The following SEMA3A variants were observed in gnomAD, a reference collection of about 807,000 sequenced individuals.
SEMA3A encodes semaphorin 3A.
In SEMA3A, 29 loss-of-function variants were observed where a neutral mutation model predicts 97.9. The observed-to-expected ratio is 0.30, with a 90% CI of 0.22 to 0.40. SEMA3A has a LOEUF of 0.40. Ranked by LOEUF, SEMA3A falls within the 10% of genes least tolerant of loss-of-function variation. The probability of loss-of-function intolerance (pLI) is 1.00; values close to 1 mark genes in which losing one functional copy is unlikely to be tolerated. For missense variants in SEMA3A, 763 were observed against 951.3 expected, an observed-to-expected ratio of 0.80 and a Z score of 2.60; for synonymous variants, 321 against 323.7, an observed-to-expected ratio of 0.99 and a Z score of 0.09.
intron 4 of SEMA3A, among the ~76,000 whole-genome samples, chr7:84,063,863 G>A (rs902303385): frequency 6.7e-6 from 1 of 150,002 alleles, no homozygotes; most frequent in African/African-American, 2.5e-5. Context: ...TTATCCAGGA[G>A]AACTTCCCCA....
intron 3 of SEMA3A, among the ~76,000 whole-genome samples, chr7:84,227,989 A>C (rs1799029215): frequency 1.3e-5 from 2 of 151,866 alleles, no homozygotes; most frequent in Non-Finnish European, 2.9e-5. Context: ...ACAGATAATG[A>C]GATTAAAAAA....
chr7:84,032,228 T>A (rs1749648140), intron 6 of SEMA3A, among the ~76,000 whole-genome samples: 1 of 152,258 alleles, frequency 6.6e-6, no homozygotes, highest in South Asian at 2.1e-4. Context: ...GAGATATCTA[T>A]AAGAATGTGG....
chr7:84,004,980 A>G (rs977162074), intron 11 of SEMA3A, among the ~76,000 whole-genome samples: 2 of 152,098 alleles, frequency 1.3e-5, no homozygotes, highest in African/African-American at 4.8e-5. Flanking sequence ...TCTGTAGCCT[A>G]CTCAACAGGA....
At chr7:84,230,426 A>T (rs1799092400) in intron 3 of SEMA3A, among the ~76,000 whole-genome samples, 1 of 152,004 alleles carries the variant, frequency 6.6e-6, no homozygotes, top group Admixed American at 6.6e-5. Context: ...GGTCCACATA[A>T]ACAGCCTCAG....
rs1245667203 is a variant in SEMA3A at position 84,156,131 on chromosome 7, T to C, written c.113-21180A>G. 7.2e-5 allele frequency among the ~76,000 whole-genome samples: 11 copies of C among 152,242 alleles called. No individual in the cohort carries two copies. In the East Asian group the frequency reaches 2.1e-3, roughly 29 times the overall value. Reference sequence around the variant, plus strand: ...TAACAAGTCATATTTTGTTTTTGCCTTTTTCATATCATCCTTTAAAATCAA... The same window carrying C: ...TAACAAGTCATATTTTGTTTTTGCCCTTTTCATATCATCCTTTAAAATCAA... On this transcript the variant is annotated intron_variant, in intron 1 of 16. Coordinates refer to ENST00000265362, the MANE Select transcript of SEMA3A (RefSeq NM_006080.3).
intron 1 of SEMA3A, among the ~76,000 whole-genome samples, chr7:84,380,031 T>G (rs953144020): frequency 1.3e-5 from 2 of 152,230 alleles, no homozygotes; most frequent in Non-Finnish European, 2.9e-5. Context: ...CTTATTTCTA[T>G]GAACTACATG....
intron 8 of SEMA3A, 46 bp from the exon 9 acceptor site, chr7:84,011,137 C>T (rs1286497172): frequency 1.9e-6 from 3 of 1,603,134 alleles, no homozygotes; most frequent in African/African-American, 1.3e-5. Context: ...TATGGAATGG[C>T]AAAGTCTGAA....
chr7:84,276,495 T>C lies in SEMA3A; in HGVS notation c.-83+30712A>G, dbSNP rs372759200. 5.9e-5 allele frequency among the ~76,000 whole-genome samples: 9 copies of C among 152,250 alleles called. 1 individual carries two copies. The highest frequency in any genetic ancestry group is 1.3e-4 in the Admixed American group (2 of 15,264). On this transcript the variant is annotated intron_variant, in intron 3 of 3. Transcript: ENST00000424555. Reference sequence around the variant, plus strand: ...TATTTAATTACATCTTTCATTCTAGTACAATTTCCAGCACATAGTAGGTAC... The same window carrying C: ...TATTTAATTACATCTTTCATTCTAGCACAATTTCCAGCACATAGTAGGTAC...
At chr7:84,387,963 C>G (rs1228877) in intron 1 of SEMA3A, among the ~76,000 whole-genome samples, 69,682 of 151,904 alleles carry the variant, frequency 0.46, 17,642 homozygotes, top group East Asian at 0.79. Flanking sequence ...TTTACCACCT[C>G]TGCACAATGG....
At chr7:84,217,612 TAAG>T (rs1798780127) in intron 3 of SEMA3A, among the ~76,000 whole-genome samples, 1 of 152,052 alleles carries the variant, frequency 6.6e-6, no homozygotes, top group African/African-American at 2.4e-5. Flanking sequence ...AGGGCAGAAA[TAAG>T]AAAGAAGTAA....
intron 1 of SEMA3A, among the ~76,000 whole-genome samples, chr7:84,170,791 T>C (rs558108484): frequency 6.6e-6 from 1 of 152,220 alleles, no homozygotes; most frequent in Non-Finnish European, 1.5e-5. Flanking sequence ...TGTGGCTTTA[T>C]GTTTGCCAAG....
intron 1 of SEMA3A, among the ~76,000 whole-genome samples, chr7:84,395,493 AT>A (rs1355079720): frequency 6.6e-6 from 1 of 152,078 alleles, no homozygotes; most frequent in Non-Finnish European, 1.5e-5. Context: ...TTGAATGAGG[AT>A]TGATATGGTT....
intron 5 of SEMA3A, among the ~76,000 whole-genome samples, chr7:84,047,179 T>C (rs952061022): frequency 6.6e-6 from 1 of 152,020 alleles, no homozygotes; most frequent in Non-Finnish European, 1.5e-5. Context: ...CCATCACTTT[T>C]TGACTCATTG....
At chr7:84,413,211 T>C (rs1366067463) in intron 1 of SEMA3A, among the ~76,000 whole-genome samples, 2 of 152,168 alleles carry the variant, frequency 1.3e-5, no homozygotes, top group African/African-American at 4.8e-5. Flanking sequence ...TGTAGAATAA[T>C]GGTTCTATTG....
chr7:84,431,521 AT>A (rs1319341256), intron 1 of SEMA3A, among the ~76,000 whole-genome samples: 1 of 152,004 alleles, frequency 6.6e-6, no homozygotes, highest in African/African-American at 2.4e-5. Flanking sequence ...CTAGATTTGA[AT>A]TGCACTCAAT....
At chr7:84,374,841 G>C (rs1803058974) in intron 1 of SEMA3A, among the ~76,000 whole-genome samples, 1 of 152,058 alleles carries the variant, frequency 6.6e-6, no homozygotes. Context: ...GGAATCAGAG[G>C]CTTAACTGTG....
chr7:83,992,835 C>A (rs370604761), intron 12 of SEMA3A, among the ~76,000 whole-genome samples: 3 of 151,974 alleles, frequency 2.0e-5, no homozygotes, highest in African/African-American at 4.8e-5. Context: ...CTATTAGGTC[C>A]GCTTGGTGCA....
At chr7:84,155,024 A>G (rs1277389323) in intron 1 of SEMA3A, among the ~76,000 whole-genome samples, 1 of 152,144 alleles carries the variant, frequency 6.6e-6, no homozygotes, top group Non-Finnish European at 1.5e-5. Context: ...CCTCTCTTTG[A>G]GAGCTGTGGA....
Position 84,143,950 on chromosome 7 carries a change from A to AACACACAC in SEMA3A, c.113-9007_113-9000dup, listed in dbSNP as rs796470836. ...TCTCTCTCTCTCTCTCTCTCTCTCT[A>AACACACAC]ACACACACACACACACACACACACA... is the stretch of plus-strand genomic sequence containing the variant. On this transcript the variant is annotated intron_variant, in intron 1 of 16. Coordinates refer to ENST00000265362, the MANE Select transcript of SEMA3A (RefSeq NM_006080.3). Among the ~76,000 whole-genome samples, 243 of 94,676 alleles carry AACACACAC rather than the reference A, an allele frequency of 2.6e-3. 1 individual carries two copies. Among genetic ancestry groups the AACACACAC allele is most frequent in the African/African-American group, 7.8e-3 (222 of 28,504 alleles). 62.1% of individuals were successfully genotyped at this position (94,676 alleles called of 152,430 possible). A position where few individuals can be genotyped will look rare whatever the true frequency, so the allele number is the denominator to read the frequency against.
Sources: gnomAD v4.1 joint callset for allele counts (sites outside exome capture counted in the v4.1 genomes callset) on GRCh38, gnomAD v4.1.1 for gene constraint, MANE v1.5 for transcripts, NCBI Gene and HGNC (gene_info 2026-07-23, HGNC 2026-07-21) for gene names.